Variants in CRACR2A observed in about 807,000 individuals in gnomAD.
The protein encoded by CRACR2A is EF-hand calcium-binding domain-containing protein 4B.
Under a neutral mutation model 90.5 loss-of-function variants are expected in CRACR2A, and 79 were observed. The ratio of observed to expected loss-of-function variants is 0.87; its 90% CI spans 0.73 to 1.05. CRACR2A has a LOEUF of 1.05. Among genes scored for constraint, CRACR2A ranks in the 50% least tolerant of loss-of-function variants. The pLI is 0.00. For missense variants in CRACR2A, 823 were observed against 897.2 expected (o/e 0.92, Z 1.06); for synonymous variants, 338 against 356.7 (o/e 0.95, Z 0.59).
At chr12:3,617,463 T>C (rs7133427) in intron 18 of CRACR2A, among the ~76,000 whole-genome samples, 9,705 of 152,242 alleles carry the variant, frequency 0.064, 358 homozygotes, top group Middle Eastern at 0.12. Flanking sequence ...CAGTCCCACA[T>C]TGAGTTAATG....
In CRACR2A at chr12:3,733,589, TG is replaced by T. The variant is rs1275494974; in HGVS notation, c.-386-380del. On this transcript the variant is annotated intron_variant, in intron 1 of 19. Transcript: ENST00000440314. ...TTGACTGCAACTTCTGCAGCCACTT[TG>T]TGACCATGAGGAGGAAGCCTGAGGC... 2.6e-5 allele frequency among the ~76,000 whole-genome samples: 4 copies of T among 152,264 alleles called. No homozygotes were observed. In the East Asian group the frequency reaches 5.8e-4, roughly 22 times the overall value.
intron 11 of CRACR2A, 137 bp downstream of exon 11, chr12:3,648,405 G>T: frequency 1.3e-6 from 2 of 1,569,724 alleles, no homozygotes; most frequent in Non-Finnish European, 1.7e-6. Flanking sequence ...ACTGCACTGG[G>T]GACCAAGGGA....
intron 1 of CRACR2A, among the ~76,000 whole-genome samples, chr12:3,750,408 A>T (rs1414710766): frequency 1.3e-5 from 2 of 152,204 alleles, no homozygotes; most frequent in Non-Finnish European, 2.9e-5. Context: ...CTCCATCCGT[A>T]AAATAGGGCA....
At chr12:3,705,961 T>C (rs927017864) in intron 3 of CRACR2A, among the ~76,000 whole-genome samples, 3 of 152,168 alleles carry the variant, frequency 2.0e-5, no homozygotes, top group African/African-American at 4.8e-5. Context: ...CTACCAACAA[T>C]CTATCAGCTC....
At chr12:3,634,470 C>G (rs68192714) in intron 14 of CRACR2A, among the ~76,000 whole-genome samples, 10,703 of 152,200 alleles carry the variant, frequency 0.07, 499 homozygotes, top group African/African-American at 0.13. Context: ...CAGAGGGAAA[C>G]GGCTGGGACA....
chr12:3,637,827 CGAA>C (rs1007047073), intron 14 of CRACR2A, among the ~76,000 whole-genome samples: 1 of 152,176 alleles, frequency 6.6e-6, no homozygotes, highest in Non-Finnish European at 1.5e-5. Context: ...CACCCCTCTG[CGAA>C]GAAGTAGAAC....
At chr12:3,675,262 C>T (rs569590766) in intron 6 of CRACR2A, among the ~76,000 whole-genome samples, 9 of 152,220 alleles carry the variant, frequency 5.9e-5, no homozygotes, top group African/African-American at 2.2e-4. Flanking sequence ...AGCAATGCCC[C>T]TGTGGTATAG....
chr12:3,673,356 T>C (rs1044623441), intron 7 of CRACR2A, 90 bp downstream of exon 7: 5 of 1,484,814 alleles, frequency 3.4e-6, no homozygotes, highest in African/African-American at 1.4e-5. Context: ...CATTGCACGA[T>C]GTTTTGGCAG....
chr12:3,661,357 C>T (rs1591666137), intron 7 of CRACR2A, among the ~76,000 whole-genome samples: 1 of 152,272 alleles, frequency 6.6e-6, no homozygotes, highest in South Asian at 2.1e-4. Flanking sequence ...TTGGCTGCAA[C>T]CCCAAGACCA....
At chr12:3,642,331 C>G in intron 12 of CRACR2A, among the ~76,000 whole-genome samples, 1 of 152,152 alleles carries the variant, frequency 6.6e-6, no homozygotes, top group Non-Finnish European at 1.5e-5. Flanking sequence ...ATCCTCTAGC[C>G]TCAGCCTCCT....
intron 2 of CRACR2A, among the ~76,000 whole-genome samples, chr12:3,717,987 G>C (rs1210272424): frequency 3.9e-5 from 6 of 152,166 alleles, no homozygotes; most frequent in African/African-American, 1.4e-4. Context: ...TTTGGTTTTA[G>C]ACAGCCCTGG....
intron 1 of CRACR2A, chr12:3,752,476 C>T (rs1946725416): frequency 6.5e-6 from 1 of 152,994 alleles, no homozygotes; most frequent in African/African-American, 2.4e-5. Context: ...GAAGCCAAGC[C>T]CCAGCAGCCG....
chr12:3,720,416 G>GAAGAAGAAAGAAAGA (rs1555119072), intron 2 of CRACR2A, among the ~76,000 whole-genome samples: 4 of 106,634 alleles, frequency 3.8e-5, no homozygotes, highest in Non-Finnish European at 7.5e-5. Context: ...TGAGAGAGAG[G>GAAGAAGAAAGAAAGA]AAGAAAGAAA....
intron 10 of CRACR2A, among the ~76,000 whole-genome samples, chr12:3,650,322 A>C (rs1490604929): frequency 6.6e-6 from 1 of 152,080 alleles, no homozygotes; most frequent in East Asian, 1.9e-4. Context: ...TTTTTTCCCC[A>C]CTTTATAGAA....
intron 12 of CRACR2A, 43 bp downstream of exon 12, chr12:3,644,552 C>T: frequency 5.2e-6 from 8 of 1,539,176 alleles, no homozygotes; most frequent in Non-Finnish European, 7.0e-6. Context: ...CAGTGGACCA[C>T]AGCCCTTGGT....
At chr12:3,687,386 C>T in intron 4 of CRACR2A, among the ~76,000 whole-genome samples, 1 of 152,098 alleles carries the variant, frequency 6.6e-6, no homozygotes, top group East Asian at 1.9e-4. Context: ...TGTTGTCCCC[C>T]TCCACCATGT....
intron 7 of CRACR2A, among the ~76,000 whole-genome samples, chr12:3,668,136 T>C (rs750070560): frequency 6.6e-6 from 1 of 152,188 alleles, no homozygotes; most frequent in Non-Finnish European, 1.5e-5. Flanking sequence ...GTTAACAATA[T>C]GCTCAACATA....
intron 3 of CRACR2A, among the ~76,000 whole-genome samples, chr12:3,704,687 T>C (rs1945888912): frequency 2.0e-5 from 3 of 152,218 alleles, no homozygotes; most frequent in Admixed American, 2.0e-4. Flanking sequence ...ATTGTACTTA[T>C]CCCAGGAGCC....
intron 3 of CRACR2A, among the ~76,000 whole-genome samples, chr12:3,712,373 G>A (rs1047327171): frequency 2.0e-5 from 3 of 152,200 alleles, no homozygotes; most frequent in Non-Finnish European, 4.4e-5. Context: ...ATGCAAGCAT[G>A]GTGCGAACAT....
Sources: allele counts gnomAD v4.1 joint callset (sites outside exome capture counted in the v4.1 genomes callset), GRCh38; gene constraint gnomAD v4.1.1; transcripts MANE v1.5; gene names NCBI Gene and HGNC (gene_info 2026-07-23, HGNC 2026-07-21).